Variants in ROBO2 observed in about 807,000 individuals in gnomAD.
ROBO2 encodes roundabout guidance receptor 2, also known as roundabout homolog 2.
ROBO2 carries 53 observed loss-of-function variants against 160.8 expected under a neutral mutation model. The ratio of observed to expected loss-of-function variants is 0.33; its 90% CI spans 0.26 to 0.41. ROBO2 has a LOEUF of 0.41. Ranked by LOEUF, ROBO2 falls within the 10% of genes least tolerant of loss-of-function variation. The probability of loss-of-function intolerance (pLI) is 1.00; values close to 1 mark genes in which losing one functional copy is unlikely to be tolerated. For missense variants in ROBO2, 1,577 were observed against 1,722.4 expected (o/e 0.92, Z 1.49); for synonymous variants, 664 against 611.7 (o/e 1.09, Z -1.26).
chr3:76,419,051 T>C (rs1486556945), intron 2 of ROBO2, among the ~76,000 whole-genome samples: 4 of 152,194 alleles, frequency 2.6e-5, no homozygotes, highest in Non-Finnish European at 5.9e-5. Flanking sequence ...GTACCATCCA[T>C]TTCTTTTTTT....
At chr3:77,073,181 G>A (rs1055064493) in intron 1 of ROBO2, among the ~76,000 whole-genome samples, 11 of 152,174 alleles carry the variant, frequency 7.2e-5, no homozygotes, top group African/African-American at 2.7e-4. Context: ...GAAAAGGGTT[G>A]TAATTATCTT....
intron 2 of ROBO2, among the ~76,000 whole-genome samples, chr3:77,200,152 G>T (rs2082696867): frequency 6.7e-6 from 1 of 149,678 alleles, no homozygotes; most frequent in Admixed American, 6.7e-5. Context: ...GATTGCATTT[G>T]GAAGGTGTTA....
At chr3:76,922,066 C>T (rs183502659) in intron 2 of ROBO2, among the ~76,000 whole-genome samples, 1 of 152,290 alleles carries the variant, frequency 6.6e-6, no homozygotes. Context: ...AATCCCAGCA[C>T]TTTGGGAGAC....
chr3:77,441,009 C>A lies in ROBO2; in HGVS notation c.389-36405C>A, dbSNP rs79864605. ...CTGTTTACAATTCCCATATTCTATT[C>A]TTTCTGTCGAAGATTTCCTGCTGAT... On this transcript the variant is annotated intron_variant, in intron 2 of 25. Transcript: ENST00000461745. Among the ~76,000 whole-genome samples the A allele has an allele frequency of 9.7e-3, 1,479 of 152,176 alleles. 20 individuals are homozygous for A. The highest frequency in any genetic ancestry group is 0.033 in the African/African-American group (1,390 of 41,522).
chr3:76,747,304 A>C (rs1319101894), intron 2 of ROBO2, among the ~76,000 whole-genome samples: 2 of 152,150 alleles, frequency 1.3e-5, no homozygotes, highest in Non-Finnish European at 2.9e-5. Context: ...TATGAAATTT[A>C]TGACAATTTT....
intron 2 of ROBO2, chr3:76,434,849 C>T: frequency 1.3e-6 from 2 of 1,573,708 alleles, no homozygotes; most frequent in East Asian, 4.5e-5. Flanking sequence ...CTCACAAGAA[C>T]CCTGCCCTGA....
At chr3:77,011,462 C>T (rs1476384354) in intron 2 of ROBO2, among the ~76,000 whole-genome samples, 2 of 152,024 alleles carry the variant, frequency 1.3e-5, no homozygotes, top group Non-Finnish European at 1.5e-5. Flanking sequence ...CTGCTAAGTG[C>T]CATGGAGAAA....
At chr3:76,529,554 C>T (rs893072314) in intron 2 of ROBO2, among the ~76,000 whole-genome samples, 3 of 152,010 alleles carry the variant, frequency 2.0e-5, no homozygotes, top group Non-Finnish European at 4.4e-5. Flanking sequence ...AAATGAGATT[C>T]CTTTTGTTTC....
At chr3:77,290,902 T>A (rs1173554898) in intron 2 of ROBO2, among the ~76,000 whole-genome samples, 1 of 78,964 alleles carries the variant, frequency 1.3e-5, no homozygotes, top group Non-Finnish European at 3.3e-5. Flanking sequence ...AAGCTGAGGC[T>A]AGATCACCCC....
chr3:77,602,549 G>T (rs571892104), intron 20 of ROBO2, 58 bp downstream of exon 21: 9 of 1,583,482 alleles, frequency 5.7e-6, no homozygotes, highest in Admixed American at 5.0e-5. Context: ...GCATGAGATA[G>T]AAATTAGTAT....
chr3:76,435,249 C>T lies in ROBO2; in HGVS notation c.109+497647C>T, dbSNP rs1472432763. On this transcript the variant is annotated intron_variant, in intron 2 of 26. Transcript: ENST00000487694. The stretch of plus-strand genomic sequence containing the variant: ...ATCCATCAACAAAACAGATGGCTGC[C>T]ATGCTTACCTGAGCAAGAATTCCCT... 7.9e-6 allele frequency: 12 copies of T among 1,514,722 alleles called. No individual in the cohort carries two copies. In the African/African-American group the frequency reaches 1.5e-4, roughly 19 times the overall value. The allele number at this position is 1,514,722 out of a possible 1,614,324, so 93.8% of individuals were successfully genotyped here.
chr3:77,045,792 G>T (rs1020808451), intron 1 of ROBO2, among the ~76,000 whole-genome samples: 16 of 152,106 alleles, frequency 1.1e-4, no homozygotes, highest in African/African-American at 3.9e-4. Flanking sequence ...CCAACCACAA[G>T]AAATCACCAC....
chr3:77,206,501 A>T (rs1177780698), intron 2 of ROBO2, among the ~76,000 whole-genome samples: 3 of 152,096 alleles, frequency 2.0e-5, no homozygotes, highest in South Asian at 2.1e-4. Flanking sequence ...TTATTGTATT[A>T]AAGAACCACC....
chr3:77,419,825 G>C (rs1438322396), intron 2 of ROBO2, among the ~76,000 whole-genome samples: 1 of 152,066 alleles, frequency 6.6e-6, no homozygotes. Context: ...TTCTAAGCTA[G>C]AAAAGCCTAA....
At chr3:77,533,011 G>T (rs916152221) in intron 6 of ROBO2, among the ~76,000 whole-genome samples, 1 of 152,016 alleles carries the variant, frequency 6.6e-6, no homozygotes, top group Non-Finnish European at 1.5e-5. Context: ...ATTTCGTTTT[G>T]CATAGATTTT....
intron 2 of ROBO2, among the ~76,000 whole-genome samples, chr3:77,334,947 G>A (rs2066339857): frequency 6.6e-6 from 1 of 152,130 alleles, no homozygotes; most frequent in East Asian, 1.9e-4. Context: ...GTCTATTGAA[G>A]TAAGTGAGAA....
At chr3:76,729,668 C>G (rs1444417174) in intron 2 of ROBO2, among the ~76,000 whole-genome samples, 1 of 145,592 alleles carries the variant, frequency 6.9e-6, no homozygotes, top group South Asian at 2.1e-4. Flanking sequence ...GACAGTGTCT[C>G]ACTCTGTTGC....
intron 2 of ROBO2, among the ~76,000 whole-genome samples, chr3:76,148,114 T>C (rs745603018): frequency 1.3e-5 from 2 of 152,026 alleles, no homozygotes; most frequent in African/African-American, 2.4e-5. Flanking sequence ...CTTCCCTTCC[T>C]CCTTGATTAA....
At chr3:76,396,631 G>A (rs1003057408) in intron 2 of ROBO2, among the ~76,000 whole-genome samples, 1 of 152,066 alleles carries the variant, frequency 6.6e-6, no homozygotes, top group Non-Finnish European at 1.5e-5. Flanking sequence ...AAAGTCTCAG[G>A]ATAAAAAATC....
Sources: allele counts gnomAD v4.1 joint callset (sites outside exome capture counted in the v4.1 genomes callset), GRCh38; gene constraint gnomAD v4.1.1; transcripts MANE v1.5; gene names NCBI Gene and HGNC (gene_info 2026-07-23, HGNC 2026-07-21).